The following DCTN2 variants were observed in gnomAD, a reference collection of about 807,000 sequenced individuals.
DCTN2 encodes dynactin subunit 2.
DCTN2 carries 18 observed loss-of-function variants against 55.4 expected under a neutral mutation model. That is an observed-to-expected ratio of 0.32 (90% CI 0.22 to 0.48). The LOEUF is 0.48. Ranked by LOEUF, DCTN2 falls within the 20% of genes least tolerant of loss-of-function variation. DCTN2 has a pLI of 0.99. For missense variants in DCTN2, 390 were observed against 491.0 expected, an observed-to-expected ratio of 0.79 and a Z score of 1.94; for synonymous variants, 168 against 185.2, an observed-to-expected ratio of 0.91 and a Z score of 0.76.
chr12:57,533,452 A>G, intron 7 of DCTN2, 149 bp from the exon 8 acceptor site: 2 of 794,944 alleles, frequency 2.5e-6, no homozygotes, highest in South Asian at 3.0e-5. Context: ...TTAAAATCCT[A>G]ACCAAAGGTA....
chr12:57,545,023 A>G (rs549067548), intron 2 of DCTN2, among the ~76,000 whole-genome samples: 1 of 152,346 alleles, frequency 6.6e-6, no homozygotes, highest in East Asian at 1.9e-4. Context: ...CAAATAAGAA[A>G]TAAGTGAGTA....
rs767744300 is a variant in DCTN2, at chr12:57,530,565, C to G, written c.*124G>C. On this transcript the variant is annotated 3_prime_UTR_variant, in exon 14 of 14. Transcript: ENST00000548249. ...TATAAACCCCACATGCAAGAAGAAC[C>G]CTTGCCCCCAGTGTCAAATGGGATG... The G allele has an allele frequency of 3.6e-6, 3 of 828,530 alleles. No homozygotes were observed. The South Asian group carries it at 5.1e-5, about 14-fold the overall frequency. 51.3% of individuals were successfully genotyped at this position (828,530 alleles called of 1,614,324 possible).
At chr12:57,537,287 T>C (rs961170871) in intron 2 of DCTN2, among the ~76,000 whole-genome samples, 1 of 141,802 alleles carries the variant, frequency 7.1e-6, no homozygotes. Flanking sequence ...TGAGCAGAGA[T>C]CATGCCACTG....
At chr12:57,544,563 C>T (rs1430564054) in intron 2 of DCTN2, among the ~76,000 whole-genome samples, 1 of 151,748 alleles carries the variant, frequency 6.6e-6, no homozygotes, top group Non-Finnish European at 1.5e-5. Flanking sequence ...TATAAGCGCT[C>T]GCCACCACGC....
intron 2 of DCTN2, chr12:57,544,086 C>A (rs1237891703): frequency 2.3e-6 from 1 of 443,446 alleles, no homozygotes; most frequent in Non-Finnish European, 4.5e-6. Context: ...GACAAAAGGA[C>A]TGAGTTCTAT....
chr12:57,533,664 A>G (rs893157826), intron 7 of DCTN2, among the ~76,000 whole-genome samples: 1 of 151,836 alleles, frequency 6.6e-6, no homozygotes, highest in African/African-American at 2.4e-5. Flanking sequence ...CCAGCTACTC[A>G]GGAGGCTGAG....
At chr12:57,533,830 T>A in intron 7 of DCTN2, 123 bp downstream of exon 7, 2 of 957,148 alleles carry the variant, frequency 2.1e-6, no homozygotes, top group Non-Finnish European at 3.0e-6. Context: ...AAAAGAGGAA[T>A]CAATCAAGAG....
At position 57,534,071 on chromosome 12, in the gene DCTN2, G is replaced by T. The variant is rs1210490356; in HGVS notation, c.551C>A (p.Thr184Lys). 13 of 1,607,466 alleles carry T rather than the reference G, an allele frequency of 8.1e-6. No homozygotes were observed. Among genetic ancestry groups the T allele is most frequent in the Non-Finnish European group, 1.1e-5 (13 of 1,177,292 alleles). The change falls in exon 7 of 14, where the codon ACA becomes AAA. Residue 184 changes from threonine (T) to lysine (K), a missense_variant. By Grantham distance (78) the Thr-to-Lys change is moderately conservative (BLOSUM62 -1). Coordinates refer to ENST00000548249, the MANE Select transcript of DCTN2 (RefSeq NM_001261413.2). ...AKRLLLQLEATKNSKGGSGGK... is the reference protein window; with the variant it reads ...AKRLLLQLEAKKNSKGGSGGK... ...CCCTGATCCCCCTTTGCTGTTCTTT[G>T]TTGCTTCCAGCTGCAGTAGTAGGCG...
In DCTN2 at chr12:57,533,222, C is replaced by T. The variant is rs1879903670; in HGVS notation, c.735+16G>A. On this transcript the variant is annotated intron_variant, in intron 8 of 13. Transcript: ENST00000548249. ...CAGGATCTAAGGCTCAGATTATGTA[C>T]AGGAGAACACCTGACCTGAGCATCC... The T allele has an allele frequency of 6.2e-7, 1 of 1,613,240 alleles. No homozygotes were observed. Among genetic ancestry groups the T allele is most frequent in the Non-Finnish European group, 8.5e-7 (1 of 1,179,316 alleles).
At chr12:57,535,338 C>A (rs1880141603) in intron 4 of DCTN2, 146 bp downstream of exon 4, 17 of 1,146,886 alleles carry the variant, frequency 1.5e-5, no homozygotes, top group Non-Finnish European at 2.2e-5. Context: ...AGCAGTAGGG[C>A]AGAGTTTCCC....
Position 57,535,050 on chromosome 12 carries a change from A to T in DCTN2, c.363+6T>A, listed in dbSNP as rs1388914650. Reference sequence around the variant, plus strand: ...GCAGAGAAGGGAGAAGAGAGTTTGTAGTTACCTTGATTTTTTCAACTTCAG... The same window carrying T: ...GCAGAGAAGGGAGAAGAGAGTTTGTTGTTACCTTGATTTTTTCAACTTCAG... On this transcript the variant is annotated splice_donor_region_variant and intron_variant, in intron 5 of 13. Coordinates refer to ENST00000548249, the MANE Select transcript of DCTN2 (RefSeq NM_001261413.2). 1.2e-6 allele frequency: 2 copies of T among 1,608,094 alleles called. No individual in the cohort carries two copies. Among genetic ancestry groups the T allele is most frequent in the Non-Finnish European group, 1.7e-6 (2 of 1,175,284 alleles).
At chr12:57,539,842 C>CA (rs1880548569) in intron 2 of DCTN2, among the ~76,000 whole-genome samples, 1 of 152,066 alleles carries the variant, frequency 6.6e-6, no homozygotes, top group South Asian at 2.1e-4. Context: ...GCCTGGCCAC[C>CA]ATGGTGAAAC....
rs1044221526 is a variant in DCTN2 at position 57,534,608 on chromosome 12, G to C, written c.364-156C>G. The C allele has an allele frequency of 4.8e-6, 3 of 628,788 alleles. No individual in the cohort carries two copies. In the African/African-American group the frequency reaches 5.6e-5, roughly 12 times the overall value. The allele number at this position is 628,788 out of a possible 1,614,324, so 39.0% of individuals were successfully genotyped here. A position where few individuals can be genotyped will look rare whatever the true frequency, so the allele number is the denominator to read the frequency against. On this transcript the variant is annotated intron_variant, in intron 5 of 13. Transcript: ENST00000548249. ...CCTGTATGTAGCACTGCATACAGATGGATGCATATTTGTAAACTCTGGAAA... is the reference window on the plus strand; with the variant it reads ...CCTGTATGTAGCACTGCATACAGATCGATGCATATTTGTAAACTCTGGAAA...
chr12:57,531,946 C>G, intron 13 of DCTN2, 69 bp downstream of exon 13: 2 of 1,550,250 alleles, frequency 1.3e-6, no homozygotes, highest in Non-Finnish European at 8.7e-7. Flanking sequence ...AGGCAGAACC[C>G]TATAACACTG....
chr12:57,543,891 A>G, intron 2 of DCTN2: 1 of 1,163,726 alleles, frequency 8.6e-7, no homozygotes, highest in Non-Finnish European at 1.1e-6. Flanking sequence ...CTACTAAAAT[A>G]GGCTGTTCAG....
In DCTN2 at chr12:57,547,054, G is replaced by A; in HGVS notation, c.10C>T (p.Pro4Ser). The A allele has an allele frequency of 1.6e-6, 2 of 1,281,422 alleles. No homozygotes were observed. Among genetic ancestry groups the A allele is most frequent in the Non-Finnish European group, 2.0e-6 (2 of 1,006,168 alleles). 79.4% of individuals were successfully genotyped at this position (1,281,422 alleles called of 1,614,324 possible). ...ATGCCGGGAAGGTCGGCGTATTTAG[G>A]GTCCGCCATGGCGGCGGCGAGACGG... MADPKYADLPGIAR... is the reference protein window; with the variant it reads MADSKYADLPGIAR... Residue 4 changes from proline (P) to serine (S), a missense_variant, in exon 1 of 14, where the codon CCT becomes TCT. Around this residue, in one of 2 missense-constraint regions of DCTN2, gnomAD observed 117 missense variants for 187.8 expected, o/e 0.62. Coordinates refer to ENST00000548249, the MANE Select transcript of DCTN2 (RefSeq NM_001261413.2).
At position 57,532,794 on chromosome 12, in the gene DCTN2, A is replaced by G. The variant is rs747749848; in HGVS notation, c.791T>C (p.Leu264Ser). 9 of 1,613,900 alleles carry G rather than the reference A, an allele frequency of 5.6e-6. No individual in the cohort carries two copies. The highest frequency in any genetic ancestry group is 5.9e-6 in the Non-Finnish European group (7 of 1,179,906). The change falls in exon 10 of 14, where the codon TTG becomes TCG. Residue 264 changes from leucine to serine, a missense_variant. Leu to Ser is a moderately radical substitution (Grantham distance 145, BLOSUM62 -2). Coordinates refer to ENST00000548249, the MANE Select transcript of DCTN2 (RefSeq NM_001261413.2). Reference protein sequence around the residue: ...GACLMETVELLQAKVSALDLA... With the variant: ...GACLMETVELSQAKVSALDLA... Reference sequence around the variant, plus strand: ...GTCTAGGGCGCTCACCTTTGCTTGCAACAGCTCTACAGTCTCCTGGGGATG... The same window carrying G: ...GTCTAGGGCGCTCACCTTTGCTTGCGACAGCTCTACAGTCTCCTGGGGATG...
intron 2 of DCTN2, among the ~76,000 whole-genome samples, chr12:57,537,362 GA>G (rs56278180): frequency 0.053 from 3,105 of 58,202 alleles, 86 homozygotes; most frequent in African/African-American, 0.13. Flanking sequence ...AGAGAGAAAA[GA>G]AAAAAAAAAA....
intron 2 of DCTN2, among the ~76,000 whole-genome samples, chr12:57,542,177 G>A (rs745539545): frequency 6.6e-6 from 1 of 152,012 alleles, no homozygotes; most frequent in Non-Finnish European, 1.5e-5. Context: ...TCAGGAGGCT[G>A]AGGCAGGAGA....
Sources: allele counts gnomAD v4.1 joint callset (sites outside exome capture counted in the v4.1 genomes callset), GRCh38; gene constraint gnomAD v4.1.1; regional missense constraint gnomAD v4.1.1; transcripts MANE v1.5; gene names NCBI Gene and HGNC (gene_info 2026-07-23, HGNC 2026-07-21).